Variants in PRMT7 observed in about 807,000 individuals in gnomAD.
PRMT7 encodes protein arginine N-methyltransferase 7.
Under a neutral mutation model 85.4 loss-of-function variants are expected in PRMT7, and 75 were observed. That is an observed-to-expected ratio of 0.88 (90% CI 0.73 to 1.06). The LOEUF (loss-of-function observed/expected upper bound fraction) is 1.06. Ranked by LOEUF, PRMT7 falls within the 50% of genes least tolerant of loss-of-function variation. The probability of loss-of-function intolerance (pLI) is 0.00; values close to 1 mark genes in which losing one functional copy is unlikely to be tolerated. For missense variants in PRMT7, 868 were observed against 915.2 expected (o/e 0.95, Z 0.67); for synonymous variants, 397 against 359.5 (o/e 1.10, Z -1.18).
chr16:68,330,044 C>T lies in PRMT7; in HGVS notation c.391+870C>T, dbSNP rs1343341705. Among the ~76,000 whole-genome samples the T allele has an allele frequency of 2.0e-5, 3 of 152,008 alleles. No individual in the cohort carries two copies. The East Asian group carries it at 5.8e-4, about 29-fold the overall frequency. On this transcript the variant is annotated intron_variant, in intron 6 of 18. Coordinates refer to ENST00000441236, the MANE Select transcript of PRMT7 (RefSeq NM_019023.5). Reference sequence around the variant, plus strand: ...AAGTAGCGGTGATTACAGGTGCCTGCCACCACACCTGGCTGCTTTTTGTAT... The same window carrying T: ...AAGTAGCGGTGATTACAGGTGCCTGTCACCACACCTGGCTGCTTTTTGTAT...
intron 6 of PRMT7, chr16:68,329,475 A>T (rs1340121120): frequency 1.3e-5 from 3 of 228,706 alleles, no homozygotes; most frequent in Non-Finnish European, 2.6e-5. Context: ...TCAACTACCA[A>T]TAATTACGCC....
At chr16:68,338,341 C>T (rs1346563212) in intron 7 of PRMT7, among the ~76,000 whole-genome samples, 2 of 151,948 alleles carry the variant, frequency 1.3e-5, no homozygotes, top group East Asian at 1.9e-4. Flanking sequence ...GATGGTGGTG[C>T]TTCCTGTTGA....
In PRMT7 at chr16:68,357,277, G is replaced by A; in HGVS notation, c.*53G>A. 6.5e-7 allele frequency: 1 copy of A among 1,539,342 alleles called. No homozygotes were observed. Among genetic ancestry groups the A allele is most frequent in the Non-Finnish European group, 8.8e-7 (1 of 1,138,356 alleles). ...GGGCTGGGGTTCTGAGTGGCTCATG[G>A]CTTTCTAGCGGGGAAGGCTGAAGGC... On this transcript the variant is annotated 3_prime_UTR_variant, in exon 19 of 19. Transcript: ENST00000441236.
chr16:68,357,096 T>A lies in PRMT7; in HGVS notation c.1951T>A (p.Phe651Ile). The change falls in exon 19 of 19, where the codon TTC becomes ATC. Residue 651 changes from phenylalanine (F) to isoleucine (I), a missense_variant. Phe to Ile is a conservative substitution (Grantham distance 21). Transcript: ENST00000441236. The part of the protein sequence containing the change: ...WNPHCKQAVY[F>I]FSPAPDPRAL... ...CCCCCACTGCAAGCAGGCCGTCTACTTCTTCAGCCCTGCCCCAGATCCCAG... is the reference window on the plus strand; with the variant it reads ...CCCCCACTGCAAGCAGGCCGTCTACATCTTCAGCCCTGCCCCAGATCCCAG... 6.2e-7 allele frequency: 1 copy of A among 1,609,552 alleles called. No homozygotes were observed. The highest frequency in any genetic ancestry group is 8.5e-7 in the Non-Finnish European group (1 of 1,176,404).
chr16:68,324,391 C>T (rs79832202), intron 4 of PRMT7: 1 of 415,094 alleles, frequency 2.4e-6, no homozygotes. Context: ...CTTGGTCCCC[C>T]TTTTGGCTGT....
At chr16:68,321,638 T>C in intron 4 of PRMT7, 176 bp downstream of exon 4, 1 of 558,550 alleles carries the variant, frequency 1.8e-6, no homozygotes, top group Non-Finnish European at 3.2e-6. Flanking sequence ...TTTTGTTGTT[T>C]AATCTCCCAG....
Position 68,339,364 on chromosome 16 carries a change from C to T in PRMT7, c.547C>T (p.Gln183Ter). The T allele has an allele frequency of 1.2e-6, 2 of 1,614,190 alleles. No individual in the cohort carries two copies. The highest frequency in any genetic ancestry group is 1.7e-6 in the Non-Finnish European group (2 of 1,180,028). Residue 183 changes from glutamine (Q) to a stop codon, truncating the protein, a stop_gained, in exon 8 of 19, where the codon CAG becomes TAG. Coordinates refer to ENST00000441236, the MANE Select transcript of PRMT7 (RefSeq NM_019023.5). LOFTEE classifies it high-confidence loss of function. ...GCCCCACAGAGCCACCGTCTATGCA[C>T]AGCTGGTGGAGTCCGGGAGGATGTG... ...AVPHRATVYA[Q>*]LVESGRMWSW...
At chr16:68,333,210 G>A (rs533466250) in intron 6 of PRMT7, among the ~76,000 whole-genome samples, 1 of 152,196 alleles carries the variant, frequency 6.6e-6, no homozygotes, top group Admixed American at 6.5e-5. Context: ...GCGGCTGGGT[G>A]CAGTGGCTTA....
chr16:68,356,149 G>C (rs1403717575), intron 17 of PRMT7, among the ~76,000 whole-genome samples: 1 of 152,222 alleles, frequency 6.6e-6, no homozygotes, highest in Non-Finnish European at 1.5e-5. Flanking sequence ...AGCTCAGGAA[G>C]ATGGGAGCTT....
chr16:68,317,191 T>C (rs2081959868), intron 3 of PRMT7, among the ~76,000 whole-genome samples: 1 of 144,108 alleles, frequency 6.9e-6, no homozygotes, highest in African/African-American at 2.6e-5. Context: ...TGAGCCAAGG[T>C]TGTGCCACTG....
chr16:68,344,317 C>T (rs1397153012), intron 9 of PRMT7, among the ~76,000 whole-genome samples: 1 of 152,182 alleles, frequency 6.6e-6, no homozygotes, highest in African/African-American at 2.4e-5. Flanking sequence ...AGAGGCTTAA[C>T]AATTATGAGC....
chr16:68,353,330 G>A, intron 15 of PRMT7, 162 bp from the exon 16 acceptor site: 2 of 1,440,222 alleles, frequency 1.4e-6, no homozygotes, highest in Non-Finnish European at 1.8e-6. Flanking sequence ...AGCCCAGTCT[G>A]TTACAGAAAC....
chr16:68,348,579 G>C, intron 14 of PRMT7, 148 bp downstream of exon 14: 1 of 529,894 alleles, frequency 1.9e-6, no homozygotes, highest in East Asian at 3.4e-5. Flanking sequence ...CACCATCAAG[G>C]GTGTGGTGAA....
At position 68,357,247 on chromosome 16, in the gene PRMT7, C is replaced by T; in HGVS notation, c.*23C>T. On this transcript the variant is annotated 3_prime_UTR_variant, in exon 19 of 19. Coordinates refer to ENST00000441236, the MANE Select transcript of PRMT7 (RefSeq NM_019023.5). ...TGACCACTCTTGAGCAATAAAGTGG[C>T]CTGAGGGCTGGGGTTCTGAGTGGCT... 1 of 1,592,204 alleles carries T rather than the reference C, an allele frequency of 6.3e-7. No homozygotes were observed.
At chr16:68,340,972 G>A (rs940769731) in intron 9 of PRMT7, among the ~76,000 whole-genome samples, 11 of 152,200 alleles carry the variant, frequency 7.2e-5, no homozygotes, top group African/African-American at 1.9e-4. Context: ...TGGCAGCACT[G>A]GTGTTAGTAA....
chr16:68,336,503 C>A (rs1223702406), intron 6 of PRMT7, among the ~76,000 whole-genome samples: 1 of 152,172 alleles, frequency 6.6e-6, no homozygotes, highest in Non-Finnish European at 1.5e-5. Flanking sequence ...ATCAGAGAAC[C>A]TTGTTGTCTT....
chr16:68,350,434 C>G (rs1165832609), intron 14 of PRMT7, among the ~76,000 whole-genome samples: 1 of 144,116 alleles, frequency 6.9e-6, no homozygotes, highest in East Asian at 2.0e-4. Flanking sequence ...CTGGCATTGG[C>G]TTTTTTTTTT....
intron 2 of PRMT7, 96 bp downstream of exon 2, chr16:68,312,272 G>C (rs896727113): frequency 1.3e-5 from 2 of 148,412 alleles, no homozygotes; most frequent in Admixed American, 6.7e-5. Context: ...ACCCAGGCTG[G>C]AGTTCAGTGG....
In PRMT7 at chr16:68,311,051, G is replaced by A. The variant is rs2043540373; in HGVS notation, c.-267G>A. ...CGAGGTCCCGCCCCGCGTGCTGGCC[G>A]CGGTAAAAGTGGTAGCAGCGGAGGC... On this transcript the variant is annotated 5_prime_UTR_variant, in exon 1 of 19. Transcript: ENST00000441236. The A allele has an allele frequency of 3.4e-6, 3 of 885,994 alleles. No homozygotes were observed. The highest frequency in any genetic ancestry group is 5.4e-6 in the Non-Finnish European group (3 of 554,714). 54.9% of individuals were successfully genotyped at this position (885,994 alleles called of 1,614,324 possible). A position where few individuals can be genotyped will look rare whatever the true frequency, so the allele number is the denominator to read the frequency against.
Sources: gnomAD v4.1 joint callset for allele counts (sites outside exome capture counted in the v4.1 genomes callset) on GRCh38, gnomAD v4.1.1 for gene constraint, MANE v1.5 for transcripts, NCBI Gene and HGNC (gene_info 2026-07-23, HGNC 2026-07-21) for gene names.